The following ANKS1B variants were observed in gnomAD, a reference collection of about 807,000 sequenced individuals.
ANKS1B encodes the protein ankyrin repeat and sterile alpha motif domain-containing protein 1B.
ANKS1B carries 36 observed loss-of-function variants against 148.3 expected under a neutral mutation model. The observed-to-expected ratio is 0.24, with a 90% CI of 0.19 to 0.32. ANKS1B has a LOEUF of 0.32. ANKS1B is among the 10% of genes least tolerant of loss of function. The probability of loss-of-function intolerance (pLI) is 1.00; values close to 1 mark genes in which losing one functional copy is unlikely to be tolerated. For missense variants in ANKS1B, 1,157 were observed against 1,542.6 expected (o/e 0.75, Z 4.19); for synonymous variants, 542 against 560.8 (o/e 0.97, Z 0.47).
chr12:99,350,476 T>C (rs2091282859), intron 12 of ANKS1B, among the ~76,000 whole-genome samples: 1 of 152,044 alleles, frequency 6.6e-6, no homozygotes, highest in Admixed American at 6.6e-5. Flanking sequence ...CCATCACTTC[T>C]ACAAACACAA....
intron 12 of ANKS1B, among the ~76,000 whole-genome samples, chr12:99,337,472 A>T (rs1228708799): frequency 6.6e-6 from 1 of 152,072 alleles, no homozygotes; most frequent in East Asian, 1.9e-4. Context: ...AAGGTTACAT[A>T]TCTGTCTCTC....
intron 22 of ANKS1B, among the ~76,000 whole-genome samples, chr12:98,787,175 G>C (rs535081776): frequency 6.6e-6 from 1 of 152,282 alleles, no homozygotes; most frequent in Admixed American, 6.5e-5. Context: ...TGATTTTGTA[G>C]GCAGTGAAAC....
chr12:99,623,124 C>T (rs1391227527), intron 9 of ANKS1B, among the ~76,000 whole-genome samples: 1 of 151,876 alleles, frequency 6.6e-6, no homozygotes, highest in Non-Finnish European at 1.5e-5. Flanking sequence ...TGTAATTCAC[C>T]ACACAAACAG....
At chr12:99,911,459 T>C (rs530005082) in intron 1 of ANKS1B, among the ~76,000 whole-genome samples, 1 of 152,270 alleles carries the variant, frequency 6.6e-6, no homozygotes, top group South Asian at 2.1e-4. Context: ...AAAATCTGAG[T>C]CTTCAGTCCA....
intron 15 of ANKS1B, among the ~76,000 whole-genome samples, chr12:99,128,294 C>T (rs1208396868): frequency 6.6e-6 from 1 of 152,050 alleles, no homozygotes; most frequent in Non-Finnish European, 1.5e-5. Context: ...TCTGAAAAGG[C>T]CTAGTTCAAA....
downstream of ANKS1B, among the ~76,000 whole-genome samples, chr12:98,741,754 C>T (rs532477514): frequency 6.6e-6 from 1 of 152,230 alleles, no homozygotes; most frequent in Non-Finnish European, 1.5e-5. Context: ...TTTTTTTCCT[C>T]TCAGACAACT....
chr12:99,894,253 C>T (rs1187051111), intron 1 of ANKS1B, among the ~76,000 whole-genome samples: 9 of 112,896 alleles, frequency 8.0e-5, no homozygotes, highest in South Asian at 3.0e-4. Flanking sequence ...ACCCCCATCT[C>T]GAAAGAAAGA....
Position 99,389,323 on chromosome 12 carries a change from A to C in ANKS1B, c.1756+10308T>G, listed in dbSNP as rs186265908. On this transcript the variant is annotated intron_variant, in intron 12 of 26. Transcript: ENST00000683438. ...CCCAACATAGACAAGTGCAGAGAGCAAGAGGGGAAGATGTTCTCCCCAAAG... is the reference window on the plus strand; with the variant it reads ...CCCAACATAGACAAGTGCAGAGAGCCAGAGGGGAAGATGTTCTCCCCAAAG... 4.5e-3 allele frequency among the ~76,000 whole-genome samples: 684 copies of C among 152,326 alleles called. 3 individuals are homozygous for C. Among genetic ancestry groups the C allele is most frequent in the African/African-American group, 0.016 (649 of 41,578 alleles).
chr12:98,849,218 T>C (rs948614747), intron 17 of ANKS1B, among the ~76,000 whole-genome samples: 1 of 151,936 alleles, frequency 6.6e-6, no homozygotes. Flanking sequence ...ATGAAGTGTT[T>C]TCCCCAGCAT....
chr12:98,785,298 C>T lies in ANKS1B; in HGVS notation c.3343-3161G>A, dbSNP rs371277446. 5.3e-5 allele frequency among the ~76,000 whole-genome samples: 8 copies of T among 152,134 alleles called. No individual in the cohort carries two copies. In the South Asian group the frequency reaches 1.2e-3, roughly 24 times the overall value. ...AAGCCTGGCCAACATGGCAAAACCC[C>T]GTCTCTACTAAAAATAAATAAATTA... On this transcript the variant is annotated intron_variant, in intron 22 of 26. Transcript: ENST00000683438.
intron 17 of ANKS1B, among the ~76,000 whole-genome samples, chr12:98,956,986 TTACTC>T (rs2099863280): frequency 6.6e-6 from 1 of 152,224 alleles, no homozygotes; most frequent in Admixed American, 6.5e-5. Context: ...ATTAAGCTCT[TTACTC>T]TATCTCCTTT....
intron 10 of ANKS1B, among the ~76,000 whole-genome samples, chr12:99,471,205 T>C (rs2096236510): frequency 2.0e-5 from 3 of 152,104 alleles, no homozygotes; most frequent in Non-Finnish European, 4.4e-5. Context: ...CATTCTAAGC[T>C]TTCCAGGTTC....
At chr12:98,966,898 G>T (rs2099878470) in intron 17 of ANKS1B, among the ~76,000 whole-genome samples, 1 of 130,552 alleles carries the variant, frequency 7.7e-6, no homozygotes, top group East Asian at 2.8e-4. Context: ...GTGGGGTGGG[G>T]GGAGGGGGGA....
intron 10 of ANKS1B, among the ~76,000 whole-genome samples, chr12:99,487,053 G>A (rs75334628): frequency 3.9e-5 from 6 of 152,234 alleles, no homozygotes; most frequent in Non-Finnish European, 8.8e-5. Flanking sequence ...TGTTGGGTTA[G>A]AGCTGAAGAA....
rs1447668239 is a variant in ANKS1B at position 99,706,796 on chromosome 12, G to A, written c.1129-51586C>T. ...GGCCATGTGGTAAGGAACTAAGGGAGGCTTACAAACTGAGGCTCTCGGTCA... is the reference window on the plus strand; with the variant it reads ...GGCCATGTGGTAAGGAACTAAGGGAAGCTTACAAACTGAGGCTCTCGGTCA... On this transcript the variant is annotated intron_variant, in intron 8 of 26. Transcript: ENST00000683438. 5.9e-5 allele frequency among the ~76,000 whole-genome samples: 9 copies of A among 152,168 alleles called. No individual in the cohort carries two copies. In the East Asian group the frequency reaches 1.7e-3, roughly 29 times the overall value.
chr12:99,239,702 G>A (rs2153963261), intron 14 of ANKS1B, among the ~76,000 whole-genome samples: 1 of 152,346 alleles, frequency 6.6e-6, no homozygotes. Flanking sequence ...AAGCCCATTA[G>A]ACTAACAGTG....
chr12:99,125,783 G>A (rs1050587502), intron 15 of ANKS1B, among the ~76,000 whole-genome samples: 10 of 152,196 alleles, frequency 6.6e-5, no homozygotes, highest in Admixed American at 1.3e-4. Context: ...AACAGGTAGC[G>A]TGGGTGGATA....
At chr12:98,899,136 AT>A (rs2099768755) in intron 17 of ANKS1B, among the ~76,000 whole-genome samples, 1 of 152,208 alleles carries the variant, frequency 6.6e-6, no homozygotes, top group South Asian at 2.1e-4. Flanking sequence ...TAGTAGTATA[AT>A]GCAATAGTTA....
intron 8 of ANKS1B, among the ~76,000 whole-genome samples, chr12:99,737,999 C>T (rs2059771074): frequency 6.6e-6 from 1 of 152,134 alleles, no homozygotes; most frequent in African/African-American, 2.4e-5. Flanking sequence ...AAAACTGCTA[C>T]ATGCCAGCAA....
Sources: allele counts gnomAD v4.1 joint callset (sites outside exome capture counted in the v4.1 genomes callset), GRCh38; gene constraint gnomAD v4.1.1; transcripts MANE v1.5; gene names NCBI Gene and HGNC (gene_info 2026-07-23, HGNC 2026-07-21).